The following TENM3 variants were observed in gnomAD, a reference collection of about 807,000 sequenced individuals.
The protein encoded by TENM3 is teneurin-3.
TENM3 carries 63 observed loss-of-function variants against 255.1 expected under a neutral mutation model. The observed-to-expected ratio is 0.25, with a 90% CI of 0.20 to 0.30. The LOEUF (loss-of-function observed/expected upper bound fraction) is 0.30, where lower values mean the gene tolerates loss of function less well. Ranked by LOEUF, TENM3 falls within the 10% of genes least tolerant of loss-of-function variation. TENM3 has a pLI of 1.00. For synonymous variants in TENM3, 1,306 were observed against 1,322.3 expected (o/e 0.99, Z 0.27); for missense variants, 2,929 against 3,461.1 (o/e 0.85, Z 3.86).
Position 182,738,157 on chromosome 4 carries a change from G to C in TENM3, c.3236-244G>C, listed in dbSNP as rs1490227723. Among the ~76,000 whole-genome samples, 4 of 151,940 alleles carry C rather than the reference G, an allele frequency of 2.6e-5. No homozygotes were observed. In the East Asian group the frequency reaches 7.7e-4, roughly 29 times the overall value. ...TTTGTGCTGTGAACCCCTCATGAAG[G>C]GGTGGTATGGGGAAAAAAACACTCA... On this transcript the variant is annotated intron_variant, in intron 17 of 27. Transcript: ENST00000511685.
the TENM3 span, among the ~76,000 whole-genome samples, chr4:181,549,609 C>G: frequency 6.6e-6 from 1 of 152,140 alleles, no homozygotes; most frequent in Non-Finnish European, 1.5e-5. Flanking sequence ...ATGGTATATT[C>G]TTTTTAAAAT....
At chr4:182,101,972 G>A in the TENM3 span, among the ~76,000 whole-genome samples, 5 of 152,298 alleles carry the variant, frequency 3.3e-5, no homozygotes, top group Admixed American at 2.0e-4. Context: ...TAACTCTGCA[G>A]CCTAAGCATC....
chr4:182,134,905 AC>A, the TENM3 span, among the ~76,000 whole-genome samples: 1,029 of 152,094 alleles, frequency 6.8e-3, 8 homozygotes, highest in African/African-American at 0.024. Flanking sequence ...TGTCTTAAGC[AC>A]CAAAAATGAA....
chr4:182,049,992 T>TA, the TENM3 span, among the ~76,000 whole-genome samples: 33 of 101,524 alleles, frequency 3.3e-4, no homozygotes, highest in Admixed American at 1.5e-3. Flanking sequence ...TTTTTTTAAT[T>TA]AAAAAAAAAT....
At chr4:181,921,491 A>C in the TENM3 span, among the ~76,000 whole-genome samples, 1 of 152,020 alleles carries the variant, frequency 6.6e-6, no homozygotes, top group Non-Finnish European at 1.5e-5. Context: ...ATTCTCTTTG[A>C]AGCAATTGTG....
chr4:181,604,586 T>C, the TENM3 span, among the ~76,000 whole-genome samples: 1 of 152,196 alleles, frequency 6.6e-6, no homozygotes, highest in Non-Finnish European at 1.5e-5. Flanking sequence ...CCAAAAAGTG[T>C]ACCCGTTCTG....
At chr4:182,016,296 A>G in the TENM3 span, among the ~76,000 whole-genome samples, 1 of 152,242 alleles carries the variant, frequency 6.6e-6, no homozygotes, top group Non-Finnish European at 1.5e-5. Context: ...TTTCACAAAC[A>G]GTAAAACTTT....
intron 4 of TENM3, among the ~76,000 whole-genome samples, chr4:182,613,920 A>C (rs1375471457): frequency 2.0e-5 from 3 of 152,216 alleles, no homozygotes; most frequent in Non-Finnish European, 2.9e-5. Context: ...CATTTAAGAC[A>C]CCTTTCTTGC....
intron 16 of TENM3, among the ~76,000 whole-genome samples, chr4:182,734,648 C>T (rs1057067009): frequency 2.6e-5 from 4 of 152,068 alleles, no homozygotes; most frequent in African/African-American, 7.2e-5. Context: ...GAATGTTTAA[C>T]GGGATCAGGA....
At chr4:181,865,593 A>T in the TENM3 span, among the ~76,000 whole-genome samples, 1 of 152,104 alleles carries the variant, frequency 6.6e-6, no homozygotes, top group African/African-American at 2.4e-5. Context: ...CTGAAGGCCC[A>T]CTAAAGCACT....
chr4:182,593,821 G>A (rs1746910537), intron 3 of TENM3, among the ~76,000 whole-genome samples: 1 of 152,096 alleles, frequency 6.6e-6, no homozygotes, highest in Admixed American at 6.5e-5. Flanking sequence ...TCATCTCACA[G>A]CAGGTATTAT....
At chr4:181,592,252 C>CAGAA in the TENM3 span, among the ~76,000 whole-genome samples, 11 of 148,626 alleles carry the variant, frequency 7.4e-5, 1 homozygote, top group South Asian at 1.7e-3. Flanking sequence ...GCTGTTTAAA[C>CAGAA]ACAAACACAC....
intron 5 of TENM3, among the ~76,000 whole-genome samples, chr4:182,632,561 G>A (rs1339879033): frequency 6.6e-6 from 1 of 151,998 alleles, no homozygotes; most frequent in Non-Finnish European, 1.5e-5. Context: ...CTCTTTTTGT[G>A]TGTGAATAGC....
At chr4:182,770,288 C>G (rs1579429787) in intron 22 of TENM3, among the ~76,000 whole-genome samples, 1 of 152,112 alleles carries the variant, frequency 6.6e-6, no homozygotes, top group African/African-American at 2.4e-5. Flanking sequence ...AGTCAGGGAG[C>G]CACTCTCACC....
the TENM3 span, among the ~76,000 whole-genome samples, chr4:181,754,379 C>A: frequency 6.6e-6 from 1 of 151,104 alleles, no homozygotes; most frequent in African/African-American, 2.4e-5. Context: ...GAGAAAAAGA[C>A]AGATGTAAAA....
At chr4:182,287,782 T>C (rs572839772) in intron 1 of TENM3, among the ~76,000 whole-genome samples, 138 of 150,692 alleles carry the variant, frequency 9.2e-4, no homozygotes, top group African/African-American at 3.2e-3. Flanking sequence ...CCCGTCTAAT[T>C]TTGTTTTCGT....
At chr4:182,547,033 C>T (rs1320125520) in intron 3 of TENM3, among the ~76,000 whole-genome samples, 1 of 152,046 alleles carries the variant, frequency 6.6e-6, no homozygotes, top group Non-Finnish European at 1.5e-5. Flanking sequence ...AGAAATATCT[C>T]CTCTTCCATT....
chr4:181,659,253 T>A, the TENM3 span, among the ~76,000 whole-genome samples: 2 of 152,214 alleles, frequency 1.3e-5, no homozygotes, highest in African/African-American at 4.8e-5. Flanking sequence ...TTGTTATTGT[T>A]ATCCTATAAA....
intron 3 of TENM3, among the ~76,000 whole-genome samples, chr4:182,448,731 T>G (rs1302376007): frequency 1.3e-5 from 2 of 151,868 alleles, no homozygotes; most frequent in Non-Finnish European, 2.9e-5. Flanking sequence ...GAGCGGGTTC[T>G]CAGTGCAGTT....
Sources: allele counts gnomAD v4.1 joint callset (sites outside exome capture counted in the v4.1 genomes callset), GRCh38; gene constraint gnomAD v4.1.1; transcripts MANE v1.5; gene names NCBI Gene and HGNC (gene_info 2026-07-23, HGNC 2026-07-21).